Variants in DRD3 observed in about 807,000 individuals in gnomAD.
DRD3 encodes dopamine receptor D3, also known as D(3) dopamine receptor.
In DRD3, 19 loss-of-function variants were observed where a neutral mutation model predicts 36.3. The observed-to-expected ratio is 0.52, with a 90% CI of 0.36 to 0.77. The LOEUF is 0.77. Ranked by LOEUF, DRD3 falls within the 30% of genes least tolerant of loss-of-function variation. The pLI is 0.00. For synonymous variants in DRD3, 195 were observed against 203.7 expected (o/e 0.96, Z 0.36); for missense variants, 465 against 505.3 (o/e 0.92, Z 0.77).
At chr3:114,198,709 C>T (rs563036601) in intron 1 of DRD3, among the ~76,000 whole-genome samples, 92 of 151,908 alleles carry the variant, frequency 6.1e-4, no homozygotes, top group African/African-American at 9.9e-4. Flanking sequence ...ACACACACAC[C>T]GCTACACTTA....
intron 1 of DRD3, among the ~76,000 whole-genome samples, chr3:114,193,201 C>T (rs1040691626): frequency 6.6e-6 from 1 of 152,154 alleles, no homozygotes; most frequent in African/African-American, 2.4e-5. Context: ...ATGGCCTGAA[C>T]CTGGGAGGCG....
At chr3:114,161,555 T>G (rs943344795) in intron 2 of DRD3, among the ~76,000 whole-genome samples, 3 of 152,210 alleles carry the variant, frequency 2.0e-5, no homozygotes, top group Non-Finnish European at 4.4e-5. Context: ...GACCAATGAT[T>G]TTTTGTTTAA....
rs2077425767 is a variant in DRD3 at position 114,131,149 on chromosome 3, C to A, written c.975G>T (p.Lys325Asn). Residue 325 changes from lysine (K) to asparagine (N), a missense_variant, in exon 6 of 7, where the codon AAG becomes AAT. By Grantham distance (94) the Lys-to-Asn change is moderately conservative (BLOSUM62 0). Transcript: ENST00000383673. The stretch of plus-strand genomic sequence containing the variant: ...CAATGGCCACCATTTGGGTTGCCTT[C>A]TTCTCCCGAAGTGGCACTCCCCGAG... ...LQPRGVPLRE[K>N]KATQMVAIVL... 1 of 1,614,136 alleles carries A rather than the reference C, an allele frequency of 6.2e-7. No individual in the cohort carries two copies. The highest frequency in any genetic ancestry group is 8.5e-7 in the Non-Finnish European group (1 of 1,179,956).
intron 3 of DRD3, among the ~76,000 whole-genome samples, chr3:114,159,333 T>A (rs2077710831): frequency 6.6e-6 from 1 of 151,790 alleles, no homozygotes; most frequent in Non-Finnish European, 1.5e-5. Flanking sequence ...TTTCTTTCTC[T>A]TTCTCTCTCC....
At chr3:114,185,402 G>T (rs1048515389) in intron 1 of DRD3, among the ~76,000 whole-genome samples, 1 of 152,034 alleles carries the variant, frequency 6.6e-6, no homozygotes, top group Non-Finnish European at 1.5e-5. Flanking sequence ...GTCTAGTGAA[G>T]TTTAAAATTT....
intron 1 of DRD3, among the ~76,000 whole-genome samples, chr3:114,190,918 G>A (rs188095487): frequency 8.6e-4 from 131 of 152,234 alleles, no homozygotes; most frequent in African/African-American, 2.9e-3. Flanking sequence ...AGTAGAAAAG[G>A]AAGACTCTCC....
intron 1 of DRD3, among the ~76,000 whole-genome samples, chr3:114,173,616 C>T (rs759771395): frequency 4.6e-5 from 7 of 152,124 alleles, no homozygotes; most frequent in Non-Finnish European, 8.8e-5. Flanking sequence ...GGCCAGGGTC[C>T]CTGAAGCAGA....
intron 1 of DRD3, among the ~76,000 whole-genome samples, chr3:114,177,489 T>A (rs963562792): frequency 3.3e-5 from 5 of 152,166 alleles, no homozygotes; most frequent in Non-Finnish European, 7.4e-5. Context: ...CCTACCATTC[T>A]AATCAGAGAT....
Position 114,139,672 on chromosome 3 carries a change from G to A in DRD3, c.551C>T (p.Ser184Phe). The A allele has an allele frequency of 6.2e-7, 1 of 1,614,152 alleles. No individual in the cohort carries two copies. The highest frequency in any genetic ancestry group is 8.5e-7 in the Non-Finnish European group (1 of 1,180,008). The part of the protein sequence containing the change: ...TTGDPTVCSI[S>F]NPDFVIYSSV... ...AGAGTAGATGACAAAATCAGGGTTG[G>A]AGATGGAGCAGACAGTGGGGTCCCC... The change falls in exon 5 of 7, where the codon TCC becomes TTC. Residue 184 changes from serine (S) to phenylalanine (F), a missense_variant. Coordinates refer to ENST00000383673, the MANE Select transcript of DRD3 (RefSeq NM_000796.6).
intron 1 of DRD3, among the ~76,000 whole-genome samples, chr3:114,190,374 T>G (rs1191598501): frequency 7.5e-6 from 1 of 133,666 alleles, no homozygotes. Flanking sequence ...ACTATTGCCT[T>G]TGGAGCACAG....
rs201100588 is a variant in DRD3 at position 114,128,755 on chromosome 3, G to A, written c.1164C>T (p.Ile388=). 24 of 1,610,122 alleles carry A rather than the reference G, an allele frequency of 1.5e-5. No individual in the cohort carries two copies. The highest frequency in any genetic ancestry group is 2.0e-5 in the Non-Finnish European group (24 of 1,178,122). ...TCTTGAGGAAGGCTTTCCGGAACTCGATATTGAAGGTGGTATAGATCACAG... is the reference window on the plus strand; with the variant it reads ...TCTTGAGGAAGGCTTTCCGGAACTCAATATTGAAGGTGGTATAGATCACAG... ...LNPVIYTTFN[I]EFRKAFLKIL... is the part of the protein sequence containing the mutation. The change falls in exon 7 of 7, where the codon ATC becomes ATT. Residue 388 remains isoleucine (I), a synonymous_variant. Coordinates refer to ENST00000383673, the MANE Select transcript of DRD3 (RefSeq NM_000796.6).
At position 114,147,510 on chromosome 3, in the gene DRD3, T is replaced by C; in HGVS notation, c.431A>G (p.Gln144Arg). 1 of 1,614,142 alleles carries C rather than the reference T, an allele frequency of 6.2e-7. No individual in the cohort carries two copies. The highest frequency in any genetic ancestry group is 8.5e-7 in the Non-Finnish European group (1 of 1,180,004). ...GAGGGCCACGCGCCGACAGGAGCTC[T>C]GTCCCGTGCCATGCTGGTAGTGAAC... ...MPVHYQHGTG[Q>R]SSCRRVALMI... is the part of the protein sequence containing the mutation. Residue 144 changes from glutamine (Q) to arginine (R), a missense_variant, in exon 4 of 7, where the codon CAG (glutamine) becomes CGG (arginine). By Grantham distance (43) the Gln-to-Arg change is conservative (BLOSUM62 1). Transcript: ENST00000383673.
At chr3:114,169,823 A>G (rs184435719) in intron 2 of DRD3, among the ~76,000 whole-genome samples, 35 of 152,316 alleles carry the variant, frequency 2.3e-4, no homozygotes, top group Non-Finnish European at 3.7e-4. Flanking sequence ...ACCAGTACAT[A>G]CAGATGTTTT....
At chr3:114,183,805 G>A (rs2077960644), upstream of DRD3, among the ~76,000 whole-genome samples, 1 of 151,732 alleles carries the variant, frequency 6.6e-6, no homozygotes, top group Non-Finnish European at 1.5e-5. Context: ...TCAACCTATT[G>A]TATCTTTGTT....
At chr3:114,198,226 TG>T (rs1470275958) in intron 1 of DRD3, among the ~76,000 whole-genome samples, 1 of 148,154 alleles carries the variant, frequency 6.7e-6, no homozygotes, top group Non-Finnish European at 1.5e-5. Context: ...ATAATTTCTG[TG>T]TTTTTTTTTT....
chr3:114,143,798 A>G (rs951738759), intron 4 of DRD3, among the ~76,000 whole-genome samples: 2 of 152,208 alleles, frequency 1.3e-5, no homozygotes, highest in Non-Finnish European at 2.9e-5. Flanking sequence ...AAGCCAGCTG[A>G]TAGAGTTTTC....
intron 4 of DRD3, among the ~76,000 whole-genome samples, chr3:114,145,871 A>G (rs2077565657): frequency 6.6e-6 from 1 of 152,204 alleles, no homozygotes; most frequent in Non-Finnish European, 1.5e-5. Context: ...GTAGGGGGTC[A>G]TATATAAAAA....
At chr3:114,151,575 C>T (rs2630348) in intron 3 of DRD3, among the ~76,000 whole-genome samples, 152,232 of 152,358 alleles carry the variant, frequency 1, 76,053 homozygotes, top group Middle Eastern at 1. Flanking sequence ...CATGATAAGC[C>T]GGCTTCAGCA....
At chr3:114,198,980 A>G (rs867316818) in intron 1 of DRD3, among the ~76,000 whole-genome samples, 1 of 152,198 alleles carries the variant, frequency 6.6e-6, no homozygotes, top group Non-Finnish European at 1.5e-5. Flanking sequence ...CCTGGCCTCA[A>G]GGGATACACT....
Sources: gnomAD v4.1 joint callset for allele counts (sites outside exome capture counted in the v4.1 genomes callset) on GRCh38, gnomAD v4.1.1 for gene constraint, MANE v1.5 for transcripts, NCBI Gene and HGNC (gene_info 2026-07-23, HGNC 2026-07-21) for gene names.